The following SPIDR variants were observed in gnomAD, a reference collection of about 807,000 sequenced individuals.
The protein encoded by SPIDR is DNA repair-scaffolding protein.
SPIDR carries 93 observed loss-of-function variants against 104.6 expected under a neutral mutation model. The ratio of observed to expected loss-of-function variants is 0.89; its 90% CI spans 0.75 to 1.06. The LOEUF (loss-of-function observed/expected upper bound fraction) is 1.06, where lower values mean the gene tolerates loss of function less well. Ranked by LOEUF, SPIDR falls within the 50% of genes least tolerant of loss-of-function variation. SPIDR has a pLI of 0.00. For missense variants in SPIDR, 1,154 were observed against 1,111.2 expected (o/e 1.04, Z -0.55); for synonymous variants, 431 against 416.9 (o/e 1.03, Z -0.41).
chr8:47,355,490 C>T (rs1330551961), intron 5 of SPIDR, among the ~76,000 whole-genome samples: 4 of 151,998 alleles, frequency 2.6e-5, no homozygotes, highest in Admixed American at 6.5e-5. Context: ...CTCAGATTTG[C>T]GGTAACGGAG....
intron 10 of SPIDR, among the ~76,000 whole-genome samples, chr8:47,636,525 TA>T (rs1240054702): frequency 2.0e-5 from 3 of 152,100 alleles, no homozygotes; most frequent in African/African-American, 7.2e-5. Flanking sequence ...ACCTTTGCAT[TA>T]AACAGCCAAG....
chr8:47,335,864 G>T (rs782462730), intron 5 of SPIDR, among the ~76,000 whole-genome samples: 1 of 151,716 alleles, frequency 6.6e-6, no homozygotes, highest in Non-Finnish European at 1.5e-5. Flanking sequence ...ACTTCCTTCA[G>T]AAATTTGTTT....
chr8:47,387,197 G>T (rs1326993737), intron 5 of SPIDR, among the ~76,000 whole-genome samples: 1 of 152,196 alleles, frequency 6.6e-6, no homozygotes, highest in African/African-American at 2.4e-5. Flanking sequence ...CTGAAAGCAC[G>T]TCAGAAGCGC....
At chr8:47,634,103 A>G (rs1254472988) in intron 10 of SPIDR, among the ~76,000 whole-genome samples, 2 of 152,034 alleles carry the variant, frequency 1.3e-5, no homozygotes, top group Admixed American at 1.3e-4. Context: ...TCAAAAAAAA[A>G]AAAAAAAGAA....
chr8:47,729,636 T>C (rs987488472), intron 19 of SPIDR, 171 bp downstream of exon 19: 1 of 677,402 alleles, frequency 1.5e-6, no homozygotes. Flanking sequence ...TTCAGACTGA[T>C]AGGTTCCTTT....
intron 8 of SPIDR, among the ~76,000 whole-genome samples, chr8:47,530,516 T>G (rs1183850250): frequency 1.3e-5 from 2 of 151,950 alleles, no homozygotes; most frequent in African/African-American, 2.4e-5. Flanking sequence ...AAACGTACAG[T>G]AAAACTATGG....
intron 8 of SPIDR, among the ~76,000 whole-genome samples, chr8:47,575,985 T>G (rs956323710): frequency 1.3e-5 from 2 of 151,288 alleles, no homozygotes; most frequent in African/African-American, 2.4e-5. Flanking sequence ...TTCTTTTTTT[T>G]TTTGTTTATC....
chr8:47,518,739 C>A (rs2083538159), intron 8 of SPIDR, among the ~76,000 whole-genome samples: 1 of 151,866 alleles, frequency 6.6e-6, no homozygotes, highest in Non-Finnish European at 1.5e-5. Context: ...CGAGTTCACG[C>A]CATTCTCCTG....
At chr8:47,733,589 G>C (rs757622559) in intron 19 of SPIDR, among the ~76,000 whole-genome samples, 12 of 151,190 alleles carry the variant, frequency 7.9e-5, no homozygotes, top group Non-Finnish European at 1.8e-4. Context: ...AGGGTGTCCA[G>C]CGCATATGCC....
intron 11 of SPIDR, among the ~76,000 whole-genome samples, chr8:47,685,881 G>T (rs573925868): frequency 1.1e-4 from 16 of 151,316 alleles, no homozygotes; most frequent in Non-Finnish European, 2.2e-4. Context: ...ATCTGTTCAG[G>T]CACGATGGCT....
intron 10 of SPIDR, among the ~76,000 whole-genome samples, chr8:47,634,759 T>C (rs1416860139): frequency 6.6e-6 from 1 of 152,238 alleles, no homozygotes; most frequent in East Asian, 1.9e-4. Context: ...GCTCAGAGCC[T>C]GTACCCACAC....
chr8:47,627,465 T>C (rs957269345), intron 10 of SPIDR, among the ~76,000 whole-genome samples: 1 of 152,184 alleles, frequency 6.6e-6, no homozygotes, highest in East Asian at 1.9e-4. Flanking sequence ...AATGTTTCCC[T>C]TTACTTAAGA....
At chr8:47,278,773 A>C (rs2037115568) in intron 1 of SPIDR, among the ~76,000 whole-genome samples, 1 of 152,024 alleles carries the variant, frequency 6.6e-6, no homozygotes, top group East Asian at 1.9e-4. Context: ...ACGCCTAGCT[A>C]ATTGTTTTTC....
intron 5 of SPIDR, among the ~76,000 whole-genome samples, chr8:47,355,387 C>T (rs898212371): frequency 3.6e-5 from 5 of 139,454 alleles, no homozygotes; most frequent in Non-Finnish European, 7.6e-5. Flanking sequence ...TGTCCGTATT[C>T]ATTAATGCCT....
In SPIDR at chr8:47,279,902, GAGAA is replaced by G; in HGVS notation, c.78_81del (p.Glu26AspfsTer39). The stretch of plus-strand genomic sequence containing the variant: ...AATACAGAATGCCCATCCTTTCCAG[GAGAA>G]AGACCACTGCAGGTCAGAAGAGCAG... On this transcript the variant is annotated frameshift_variant, in exon 2 of 20. Coordinates refer to ENST00000297423, the MANE Select transcript of SPIDR (RefSeq NM_001080394.4). LOFTEE classifies it high-confidence loss of function. 1 of 1,613,782 alleles carries G rather than the reference GAGAA, an allele frequency of 6.2e-7. No individual in the cohort carries two copies. The highest frequency in any genetic ancestry group is 8.5e-7 in the Non-Finnish European group (1 of 1,179,822).
At chr8:47,277,312 T>TA (rs2036651954) in intron 1 of SPIDR, among the ~76,000 whole-genome samples, 9 of 129,968 alleles carry the variant, frequency 6.9e-5, no homozygotes, top group Non-Finnish European at 1.0e-4. Flanking sequence ...TTATGTTATG[T>TA]TTGTTATGTT....
chr8:47,639,198 G>A (rs1286481786), intron 10 of SPIDR, among the ~76,000 whole-genome samples: 1 of 152,192 alleles, frequency 6.6e-6, no homozygotes, highest in Non-Finnish European at 1.5e-5. Flanking sequence ...GTACATGGGA[G>A]GGAAGGTGGA....
intron 11 of SPIDR, among the ~76,000 whole-genome samples, chr8:47,693,908 A>G (rs2079006225): frequency 6.6e-6 from 1 of 152,222 alleles, no homozygotes; most frequent in South Asian, 2.1e-4. Context: ...CAGCAGCGCT[A>G]AGAGCCCTTC....
intron 8 of SPIDR, among the ~76,000 whole-genome samples, chr8:47,458,516 A>G (rs1586052836): frequency 1.3e-5 from 2 of 151,828 alleles, no homozygotes; most frequent in South Asian, 4.2e-4. Flanking sequence ...GAATTCGTTT[A>G]TCCATTCTAG....
Sources: allele counts gnomAD v4.1 joint callset (sites outside exome capture counted in the v4.1 genomes callset), GRCh38; gene constraint gnomAD v4.1.1; transcripts MANE v1.5; gene names NCBI Gene and HGNC (gene_info 2026-07-23, HGNC 2026-07-21).